The following SEL1L2 variants were observed in gnomAD, a reference collection of about 807,000 sequenced individuals.
SEL1L2 encodes protein sel-1 homolog 2.
A neutral mutation model predicts 98.8 loss-of-function variants in SEL1L2; 89 were observed. The ratio of observed to expected loss-of-function variants is 0.90; its 90% CI spans 0.76 to 1.07. SEL1L2 has a LOEUF of 1.07. Ranked by LOEUF, SEL1L2 falls within the 50% of genes least tolerant of loss-of-function variation. The probability of loss-of-function intolerance (pLI) is 0.00; values close to 1 mark genes in which losing one functional copy is unlikely to be tolerated. For synonymous variants in SEL1L2, 262 were observed against 278.5 expected, an observed-to-expected ratio of 0.94 and a Z score of 0.59; for missense variants, 788 against 812.0, an observed-to-expected ratio of 0.97 and a Z score of 0.36.
At chr20:13,980,609 A>G (rs1020425111) in intron 1 of SEL1L2, among the ~76,000 whole-genome samples, 3 of 152,186 alleles carry the variant, frequency 2.0e-5, no homozygotes, top group Non-Finnish European at 2.9e-5. Flanking sequence ...AAGAATTGGC[A>G]TATGATCCAG....
intron 3 of SEL1L2, among the ~76,000 whole-genome samples, chr20:13,925,963 T>C (rs943590485): frequency 7.2e-5 from 11 of 152,192 alleles, no homozygotes; most frequent in African/African-American, 2.7e-4. Flanking sequence ...GGAAAGGCAT[T>C]AATGGTGAGC....
At chr20:13,978,364 A>T (rs1349108341) in intron 1 of SEL1L2, among the ~76,000 whole-genome samples, 1 of 152,216 alleles carries the variant, frequency 6.6e-6, no homozygotes, top group Non-Finnish European at 1.5e-5. Context: ...AAAATGTATT[A>T]AAAACCTAAA....
chr20:13,882,886 G>T (rs1404951151), intron 10 of SEL1L2, among the ~76,000 whole-genome samples: 1 of 140,576 alleles, frequency 7.1e-6, no homozygotes, highest in Admixed American at 7.8e-5. Context: ...GCGGGATCTC[G>T]GCTCACTGCA....
In SEL1L2 at chr20:13,969,616, T is replaced by A. The variant is rs200574322; in HGVS notation, c.59-13485A>T. Among the ~76,000 whole-genome samples, 4 of 152,212 alleles carry A rather than the reference T, an allele frequency of 2.6e-5. No individual in the cohort carries two copies. The East Asian group carries it at 7.7e-4, about 29-fold the overall frequency. ...TATTTCCCACTACACCCTGCTCTTA[T>A]TGAAGTGGTAGTATCCTCCTACCCC... On this transcript the variant is annotated intron_variant, in intron 1 of 19. Transcript: ENST00000284951.
intron 1 of SEL1L2, among the ~76,000 whole-genome samples, chr20:13,961,347 A>T (rs867838873): frequency 2.0e-5 from 3 of 152,326 alleles, no homozygotes; most frequent in South Asian, 4.1e-4. Flanking sequence ...ATAACATGAA[A>T]CACACCATCC....
At chr20:13,981,174 G>A (rs771455532) in intron 1 of SEL1L2, among the ~76,000 whole-genome samples, 19 of 152,222 alleles carry the variant, frequency 1.2e-4, no homozygotes, top group Non-Finnish European at 5.9e-5. Flanking sequence ...CTCGGGAGGT[G>A]GAGGTTGCAG....
At chr20:13,876,164 G>GT in intron 11 of SEL1L2, 49 bp from the exon 12 acceptor site, 1 of 1,300,908 alleles carries the variant, frequency 7.7e-7, no homozygotes, top group Non-Finnish European at 1.1e-6. Context: ...TAATTTGAGA[G>GT]TAATGCAAAT....
chr20:13,921,709 C>CA (rs1307037586), intron 3 of SEL1L2, among the ~76,000 whole-genome samples: 1 of 151,806 alleles, frequency 6.6e-6, no homozygotes, highest in African/African-American at 2.4e-5. Context: ...TATTTTAAAG[C>CA]AAAAAAATGT....
chr20:13,933,322 A>C (rs186101997), intron 2 of SEL1L2, among the ~76,000 whole-genome samples: 88 of 152,332 alleles, frequency 5.8e-4, no homozygotes, highest in African/African-American at 2.0e-3. Context: ...TTTTTAGAAT[A>C]TTCACAGACA....
intron 3 of SEL1L2, among the ~76,000 whole-genome samples, chr20:13,925,743 C>G (rs1448909531): frequency 6.6e-6 from 1 of 152,216 alleles, no homozygotes; most frequent in Non-Finnish European, 1.5e-5. Context: ...AGGATTTCAG[C>G]TCCTTGTGAG....
intron 1 of SEL1L2, among the ~76,000 whole-genome samples, chr20:13,960,534 G>A (rs1473454139): frequency 2.0e-5 from 3 of 152,234 alleles, no homozygotes; most frequent in Admixed American, 1.3e-4. Flanking sequence ...TGAAACTTAC[G>A]ACAAGGGTGT....
At chr20:13,980,108 C>T (rs923827591) in intron 1 of SEL1L2, among the ~76,000 whole-genome samples, 1 of 152,128 alleles carries the variant, frequency 6.6e-6, no homozygotes, top group African/African-American at 2.4e-5. Context: ...AGAAAATGTT[C>T]AATATCACTA....
intron 1 of SEL1L2, among the ~76,000 whole-genome samples, chr20:13,982,347 C>CA (rs1225917952): frequency 6.6e-6 from 1 of 151,322 alleles, no homozygotes; most frequent in Non-Finnish European, 1.5e-5. Context: ...CCTCTCTCTC[C>CA]AAAAAATACA....
intron 18 of SEL1L2, 86 bp downstream of exon 18, chr20:13,859,176 A>T: frequency 2.4e-6 from 3 of 1,241,162 alleles, no homozygotes; most frequent in Non-Finnish European, 3.5e-6. Context: ...TACATTGATG[A>T]CATCAATGAA....
intron 1 of SEL1L2, among the ~76,000 whole-genome samples, chr20:13,986,126 A>C (rs2052170951): frequency 6.6e-6 from 1 of 152,182 alleles, no homozygotes; most frequent in Non-Finnish European, 1.5e-5. Context: ...AATGTTTTCA[A>C]TTCTCTTGGA....
chr20:13,911,993 C>T (rs898692497), intron 5 of SEL1L2, among the ~76,000 whole-genome samples: 2 of 152,106 alleles, frequency 1.3e-5, no homozygotes, highest in Non-Finnish European at 2.9e-5. Flanking sequence ...CTCACAATAA[C>T]TCCATAAATT....
At chr20:13,962,087 G>A (rs1481427352) in intron 1 of SEL1L2, among the ~76,000 whole-genome samples, 1 of 152,152 alleles carries the variant, frequency 6.6e-6, no homozygotes, top group African/African-American at 2.4e-5. Context: ...ATGATAAAGT[G>A]AGACCTGGGC....
intron 3 of SEL1L2, among the ~76,000 whole-genome samples, chr20:13,923,860 G>C (rs1463051508): frequency 6.6e-6 from 1 of 151,966 alleles, no homozygotes; most frequent in Non-Finnish European, 1.5e-5. Context: ...AAATCTTTTT[G>C]ATTTTCAGTA....
At chr20:13,910,308 C>A (rs1055553476) in intron 5 of SEL1L2, among the ~76,000 whole-genome samples, 2 of 152,116 alleles carry the variant, frequency 1.3e-5, no homozygotes, top group African/African-American at 4.8e-5. Context: ...GCTAAGGACT[C>A]TTGTGGATAT....
Sources: allele counts gnomAD v4.1 joint callset (sites outside exome capture counted in the v4.1 genomes callset), GRCh38; gene constraint gnomAD v4.1.1; transcripts MANE v1.5; gene names NCBI Gene and HGNC (gene_info 2026-07-23, HGNC 2026-07-21).